The following GPD2 variants were observed in gnomAD, a reference collection of about 807,000 sequenced individuals.
GPD2 encodes glycerol-3-phosphate dehydrogenase 2.
A neutral mutation model predicts 82.4 loss-of-function variants in GPD2; 54 were observed. That is an observed-to-expected ratio of 0.66 (90% CI 0.53 to 0.82). The LOEUF (loss-of-function observed/expected upper bound fraction) is 0.82, where lower values mean the gene tolerates loss of function less well. Among genes scored for constraint, GPD2 ranks in the 40% least tolerant of loss-of-function variants. The pLI is 0.00. For missense variants in GPD2, 748 were observed against 896.2 expected, an observed-to-expected ratio of 0.83 and a Z score of 2.11; for synonymous variants, 288 against 306.1, an observed-to-expected ratio of 0.94 and a Z score of 0.62.
chr2:156,532,617 G>GCTGATC (rs1685910513), intron 6 of GPD2, among the ~76,000 whole-genome samples: 1 of 152,142 alleles, frequency 6.6e-6, no homozygotes, highest in South Asian at 2.1e-4. Flanking sequence ...ATCAGGAGGG[G>GCTGATC]CTGATCCTAG....
At chr2:156,530,509 A>C (rs1015820199) in intron 6 of GPD2, among the ~76,000 whole-genome samples, 4 of 150,266 alleles carry the variant, frequency 2.7e-5, no homozygotes, top group African/African-American at 7.3e-5. Context: ...GTCTTGTGCC[A>C]GTTTTCAAAG....
intron 2 of GPD2, among the ~76,000 whole-genome samples, chr2:156,482,375 T>G (rs1683764006): frequency 6.6e-6 from 1 of 152,192 alleles, no homozygotes; most frequent in South Asian, 2.1e-4. Context: ...TTTCCCACTG[T>G]TTCTTTCTTT....
upstream of GPD2, among the ~76,000 whole-genome samples, chr2:156,436,090 T>C (rs1688418063): frequency 6.6e-6 from 1 of 152,150 alleles, no homozygotes; most frequent in Admixed American, 6.5e-5. Flanking sequence ...CGTCCCCGTC[T>C]AGTCACGTTC....
intron 2 of GPD2, among the ~76,000 whole-genome samples, chr2:156,482,056 G>A (rs1414108943): frequency 6.6e-6 from 1 of 152,180 alleles, no homozygotes; most frequent in Non-Finnish European, 1.5e-5. Flanking sequence ...CTGGAACATA[G>A]GAAGCTTTCA....
At chr2:156,418,105 C>A in the GPD2 span, among the ~76,000 whole-genome samples, 2 of 152,116 alleles carry the variant, frequency 1.3e-5, 1 homozygote, top group East Asian at 3.8e-4. Flanking sequence ...GTCCCAGCTA[C>A]TCGGGAGGCT....
At chr2:156,451,788 A>G (rs1682604711) in intron 1 of GPD2, among the ~76,000 whole-genome samples, 1 of 150,716 alleles carries the variant, frequency 6.6e-6, no homozygotes, top group African/African-American at 2.4e-5. Flanking sequence ...TGCCGGGCGG[A>G]GACACTCCTC....
At chr2:156,552,893 T>G (rs1412237224) in intron 8 of GPD2, among the ~76,000 whole-genome samples, 2 of 144,142 alleles carry the variant, frequency 1.4e-5, no homozygotes, top group Non-Finnish European at 3.0e-5. Context: ...GTTCCTTATA[T>G]CTTTTTTTTT....
At chr2:156,462,246 G>T (rs1238213071) in intron 1 of GPD2, among the ~76,000 whole-genome samples, 1 of 151,956 alleles carries the variant, frequency 6.6e-6, no homozygotes, top group East Asian at 1.9e-4. Flanking sequence ...CTAAGGCCTG[G>T]ACTCTGTGCA....
the GPD2 span, among the ~76,000 whole-genome samples, chr2:156,425,106 T>A: frequency 2.0e-5 from 3 of 152,038 alleles, no homozygotes; most frequent in Admixed American, 6.6e-5. Context: ...TTTTTGTTTT[T>A]GTTTTTCTGG....
At chr2:156,573,342 T>C (rs565093037) in intron 13 of GPD2, among the ~76,000 whole-genome samples, 1 of 152,320 alleles carries the variant, frequency 6.6e-6, no homozygotes, top group South Asian at 2.1e-4. Context: ...CCTGTCTTGC[T>C]GTGTCTGCAT....
intron 3 of GPD2, among the ~76,000 whole-genome samples, chr2:156,500,777 T>C (rs988077113): frequency 5.9e-5 from 9 of 152,196 alleles, no homozygotes. Context: ...ATAATGAACA[T>C]TTATTTGCAT....
chr2:156,481,060 G>A (rs1002931499), intron 2 of GPD2, among the ~76,000 whole-genome samples: 3 of 151,926 alleles, frequency 2.0e-5, no homozygotes, highest in South Asian at 2.1e-4. Context: ...GGCCAAGAGC[G>A]TTATCTTTAG....
chr2:156,501,421 T>A (rs539206901), intron 3 of GPD2, among the ~76,000 whole-genome samples: 171 of 152,336 alleles, frequency 1.1e-3, no homozygotes, highest in African/African-American at 3.8e-3. Context: ...CATTGCTTAC[T>A]ACCTCTGTGA....
upstream of GPD2, among the ~76,000 whole-genome samples, chr2:156,431,846 T>C (rs298309): frequency 0.31 from 47,457 of 151,144 alleles, 8,975 homozygotes; most frequent in Middle Eastern, 0.44. Flanking sequence ...AAATAGGGCA[T>C]AGTGTTTTAT....
At chr2:156,501,956 G>C (rs931829636) in intron 3 of GPD2, 3 of 163,728 alleles carry the variant, frequency 1.8e-5, no homozygotes, top group Admixed American at 1.3e-4. Flanking sequence ...AAGGAACAGA[G>C]AATCAGTCAT....
chr2:156,413,627 T>C, the GPD2 span, among the ~76,000 whole-genome samples: 1 of 149,956 alleles, frequency 6.7e-6, no homozygotes, highest in Non-Finnish European at 1.5e-5. Context: ...AAATAAGGCC[T>C]GGCCCAGTGG....
the GPD2 span, among the ~76,000 whole-genome samples, chr2:156,419,937 T>A: frequency 6.6e-6 from 1 of 152,244 alleles, no homozygotes; most frequent in Non-Finnish European, 1.5e-5. Context: ...AACTTAGCTC[T>A]CTAAGTATAT....
chr2:156,500,758 G>A (rs958043723), intron 3 of GPD2, among the ~76,000 whole-genome samples: 2 of 152,110 alleles, frequency 1.3e-5, no homozygotes, highest in African/African-American at 4.8e-5. Context: ...AAAAAGTCAT[G>A]GAGTCTTCAT....
At chr2:156,459,114 T>C (rs567995219) in intron 1 of GPD2, among the ~76,000 whole-genome samples, 32 of 152,270 alleles carry the variant, frequency 2.1e-4, no homozygotes, top group African/African-American at 7.0e-4. Context: ...CTATCCAGAG[T>C]GTACTTAACT....
Sources: allele counts gnomAD v4.1 joint callset (sites outside exome capture counted in the v4.1 genomes callset), GRCh38; gene constraint gnomAD v4.1.1; transcripts MANE v1.5; gene names NCBI Gene and HGNC (gene_info 2026-07-23, HGNC 2026-07-21).